Variants in PLEKHA6 observed in about 807,000 individuals in gnomAD.
PLEKHA6 encodes pleckstrin homology domain-containing family A member 6.
Under a neutral mutation model 116.7 loss-of-function variants are expected in PLEKHA6, and 60 were observed. The ratio of observed to expected loss-of-function variants is 0.51; its 90% confidence interval spans 0.42 to 0.64. The LOEUF (loss-of-function observed/expected upper bound fraction) is 0.64, where lower values mean the gene tolerates loss of function less well. PLEKHA6 is among the 30% of genes least tolerant of loss of function. The pLI, the probability that PLEKHA6 is intolerant of heterozygous loss-of-function variation, is 0.00. For missense variants in PLEKHA6, 1,338 were observed against 1,422.7 expected (o/e 0.94, Z 0.96); for synonymous variants, 489 against 556.1 (o/e 0.88, Z 1.70).
intron 14 of PLEKHA6, 72 bp from the exon 15 acceptor site, chr1:204,245,075 G>A (rs1663451403): frequency 9.2e-7 from 1 of 1,083,854 alleles, no homozygotes; most frequent in African/African-American, 1.6e-5. Context: ...GGCACTGTGA[G>A]TGGAGGTGGC....
At chr1:204,243,449 C>T (rs536571365) in intron 15 of PLEKHA6, among the ~76,000 whole-genome samples, 1 of 152,318 alleles carries the variant, frequency 6.6e-6, no homozygotes, top group East Asian at 1.9e-4. Flanking sequence ...TCTGCCTGAC[C>T]TTCAAGGCCT....
chr1:204,259,467 A>T lies in PLEKHA6; in HGVS notation c.798T>A (p.Pro266=). The T allele has an allele frequency of 6.2e-7, 1 of 1,614,178 alleles. No homozygotes were observed. The highest frequency in any genetic ancestry group is 8.5e-7 in the Non-Finnish European group (1 of 1,180,022). The part of the protein sequence containing the change: ...GPRVPGGGEQ[P]AQPNGWQYHS... Reference sequence around the variant, plus strand: ...GGTACTGCCAGCCATTGGGCTGGGCAGGCTGTTCCCCACCCCCTGGCACTC... The same window carrying T: ...GGTACTGCCAGCCATTGGGCTGGGCTGGCTGTTCCCCACCCCCTGGCACTC... Residue 266 remains proline, a synonymous_variant, in exon 8 of 23, where the codon CCT becomes CCA. Transcript: ENST00000272203. This position sits in a 1 kb window ranked among gnomAD's most constrained non-coding sequence, Gnocchi z 4.6.
At chr1:204,234,274 T>C (rs1220942384) in intron 17 of PLEKHA6, among the ~76,000 whole-genome samples, 1 of 152,142 alleles carries the variant, frequency 6.6e-6, no homozygotes, top group Non-Finnish European at 1.5e-5. Flanking sequence ...GGAACCACCA[T>C]AAGCCAGGAG....
intron 1 of PLEKHA6, among the ~76,000 whole-genome samples, chr1:204,276,539 T>C (rs1336179695): frequency 1.3e-5 from 2 of 152,062 alleles, no homozygotes; most frequent in Admixed American, 6.6e-5. Flanking sequence ...TTCTCAGTGG[T>C]GCAGGGCACC....
chr1:204,237,193 T>G (rs544541601), intron 17 of PLEKHA6, among the ~76,000 whole-genome samples: 4 of 152,128 alleles, frequency 2.6e-5, no homozygotes, highest in Non-Finnish European at 5.9e-5. Flanking sequence ...GTCCAGTGGG[T>G]TCCCAGACTC....
At chr1:204,365,814 T>C (rs1572234665) in intron 3 of PLEKHA6, among the ~76,000 whole-genome samples, 2 of 151,950 alleles carry the variant, frequency 1.3e-5, no homozygotes, top group South Asian at 4.2e-4. Flanking sequence ...ACCAAACAGA[T>C]ACATAAACAA....
At chr1:204,232,699 C>T (rs1168488344) in intron 17 of PLEKHA6, among the ~76,000 whole-genome samples, 1 of 152,102 alleles carries the variant, frequency 6.6e-6, no homozygotes, top group African/African-American at 2.4e-5. Flanking sequence ...CACATGCTAA[C>T]CTTCAAGGAA....
At chr1:204,342,099 C>A (rs887604118) in intron 1 of PLEKHA6, among the ~76,000 whole-genome samples, 66 of 151,956 alleles carry the variant, frequency 4.3e-4, no homozygotes, top group African/African-American at 1.5e-3. Context: ...GCAGGAGGAT[C>A]GCTTGAGCCT....
At chr1:204,260,761 G>A (rs1046725580) in intron 7 of PLEKHA6, among the ~76,000 whole-genome samples, 2 of 152,202 alleles carry the variant, frequency 1.3e-5, no homozygotes, top group East Asian at 1.9e-4. Context: ...CGTGGGTGAC[G>A]GCGGGCGATG....
intron 1 of PLEKHA6, among the ~76,000 whole-genome samples, chr1:204,349,566 T>A (rs1043167790): frequency 6.9e-6 from 1 of 145,764 alleles, no homozygotes; most frequent in Non-Finnish European, 1.5e-5. Flanking sequence ...AAAAGAATCC[T>A]TGAGTTCTCC....
rs947435652 is a variant in PLEKHA6 at position 204,277,290 on chromosome 1, A to C, written c.-94-2481T>G. ...CTGTGGCTTCCTGGTATTCGGCCAG[A>C]ATGCTACTGGTCAGAGGACTGGAGG... On this transcript the variant is annotated intron_variant, in intron 1 of 22. Transcript: ENST00000272203. The surrounding 1 kb of genome is among the most constrained non-coding windows in gnomAD (Gnocchi z 4.1). 3.4e-4 allele frequency among the ~76,000 whole-genome samples: 52 copies of C among 152,142 alleles called. No homozygotes were observed. The highest frequency in any genetic ancestry group is 1.2e-3 in the African/African-American group (49 of 41,414).
At chr1:204,315,725 T>A (rs532695507) in intron 1 of PLEKHA6, among the ~76,000 whole-genome samples, 2 of 151,556 alleles carry the variant, frequency 1.3e-5, no homozygotes, top group Non-Finnish European at 2.9e-5. Flanking sequence ...ATCTAGAGAG[T>A]GGATACAGAT....
Position 204,261,331 on chromosome 1 carries a change from A to G in PLEKHA6, c.499T>C (p.Ser167Pro). Residue 167 changes from serine to proline, a missense_variant, in exon 7 of 23, where the codon TCA becomes CCA. By Grantham distance (74) the Ser-to-Pro change is moderately conservative (BLOSUM62 -1). Coordinates refer to ENST00000272203, the MANE Select transcript of PLEKHA6 (RefSeq NM_014935.5). This position sits in a 1 kb window ranked among gnomAD's most constrained non-coding sequence, Gnocchi z 4.0. ...CTGTGCCGCACAGCTTGGGGCACTG[A>G]CTTCTGGGCTGGAGGGATCTGTACT... ...ARVQIPPAQK[S>P]VPQAVRHSHE... 1 of 1,614,078 alleles carries G rather than the reference A, an allele frequency of 6.2e-7. No individual in the cohort carries two copies. Among genetic ancestry groups the G allele is most frequent in the Non-Finnish European group, 8.5e-7 (1 of 1,180,006 alleles).
At chr1:204,234,889 C>T (rs1423363490) in intron 17 of PLEKHA6, among the ~76,000 whole-genome samples, 1 of 148,838 alleles carries the variant, frequency 6.7e-6, no homozygotes, top group African/African-American at 2.5e-5. Flanking sequence ...CCTTGCTCCT[C>T]AGCTTGCAGG....
intron 1 of PLEKHA6, among the ~76,000 whole-genome samples, chr1:204,341,315 GA>G (rs1672838527): frequency 6.6e-6 from 1 of 152,196 alleles, no homozygotes; most frequent in South Asian, 2.1e-4. Context: ...GTACCCACCA[GA>G]GACCAACTGA....
intron 1 of PLEKHA6, among the ~76,000 whole-genome samples, chr1:204,352,576 T>C (rs1673314108): frequency 6.6e-6 from 1 of 152,132 alleles, no homozygotes; most frequent in Non-Finnish European, 1.5e-5. Flanking sequence ...GGGAACCTCC[T>C]AGGAGAGTCT....
At position 204,230,394 on chromosome 1, in the gene PLEKHA6, G is replaced by A. The variant is rs1661003246; in HGVS notation, c.2583+19C>T. 4.5e-6 allele frequency: 7 copies of A among 1,555,286 alleles called. No individual in the cohort carries two copies. The highest frequency in any genetic ancestry group is 6.1e-6 in the Non-Finnish European group (7 of 1,150,346). On this transcript the variant is annotated intron_variant, in intron 18 of 22. Transcript: ENST00000272203. ...GCAGATGCCAGGCTCACGCCTGTGG[G>A]TAGCTGGGAAGGCATTACCACTTTG...
chr1:204,371,247 G>A (rs75729859), intron 2 of PLEKHA6, among the ~76,000 whole-genome samples: 1,940 of 152,224 alleles, frequency 0.013, 29 homozygotes, highest in African/African-American at 0.043. Flanking sequence ...TGAGACAGGG[G>A]ATTTTCTGAC....
intron 7 of PLEKHA6, among the ~76,000 whole-genome samples, chr1:204,260,724 A>G (rs937196228): frequency 6.6e-6 from 1 of 152,284 alleles, no homozygotes; most frequent in South Asian, 2.1e-4. Context: ...CTCCACATCC[A>G]GTTAAGGGAG....
Sources: gnomAD v4.1 joint callset for allele counts (sites outside exome capture counted in the v4.1 genomes callset) on GRCh38, gnomAD v4.1.1 for gene constraint, Gnocchi (gnomAD v3.1) non-coding constraint, MANE v1.5 for transcripts, NCBI Gene and HGNC (gene_info 2026-07-23, HGNC 2026-07-21) for gene names.